Variants in AUTS2 observed in about 807,000 individuals in gnomAD.
AUTS2 encodes the protein activator of transcription and developmental regulator AUTS2.
AUTS2 carries 17 observed loss-of-function variants against 112.4 expected under a neutral mutation model. That is an observed-to-expected ratio of 0.15 (90% CI 0.10 to 0.23). AUTS2 has a LOEUF of 0.23. Among genes scored for constraint, AUTS2 ranks in the 10% least tolerant of loss-of-function variants. The pLI is 1.00. For synonymous variants in AUTS2, 751 were observed against 702.7 expected (o/e 1.07, Z -1.09); for missense variants, 1,510 against 1,701.6 (o/e 0.89, Z 1.98).
intron 5 of AUTS2, among the ~76,000 whole-genome samples, chr7:70,539,402 T>C (rs1272640900): frequency 1.3e-5 from 2 of 152,178 alleles, no homozygotes; most frequent in Admixed American, 6.5e-5. Flanking sequence ...AGCCCTTCTT[T>C]GAAAAGCCCT....
At chr7:70,557,458 A>G (rs1163877180) in intron 5 of AUTS2, among the ~76,000 whole-genome samples, 1 of 152,210 alleles carries the variant, frequency 6.6e-6, no homozygotes, top group South Asian at 2.1e-4. Flanking sequence ...CTGGCGGCAT[A>G]GTCAGGCTTG....
At chr7:70,322,241 TG>T in intron 4 of AUTS2, among the ~76,000 whole-genome samples, 1 of 152,316 alleles carries the variant, frequency 6.6e-6, no homozygotes, top group East Asian at 1.9e-4. Flanking sequence ...TATATTTATG[TG>T]GGTGAAGCTT....
rs577782546 is a variant in AUTS2, at chr7:69,830,667, A to G, written c.310-68619A>G. Among the ~76,000 whole-genome samples, 13 of 152,328 alleles carry G rather than the reference A, an allele frequency of 8.5e-5. No homozygotes were observed. The South Asian group carries it at 2.5e-3, about 29-fold the overall frequency. ...TTATTTGTTTAAATGAGTGTCCCAG[A>G]TAGCTTGCAATGGAGCATATTTATT... On this transcript the variant is annotated intron_variant, in intron 1 of 18. Coordinates refer to ENST00000342771, the MANE Select transcript of AUTS2 (RefSeq NM_015570.4).
At chr7:70,659,137 G>C (rs1806931156) in intron 5 of AUTS2, among the ~76,000 whole-genome samples, 1 of 152,164 alleles carries the variant, frequency 6.6e-6, no homozygotes, top group African/African-American at 2.4e-5. Context: ...GTTCTCAGGG[G>C]GGACAAGGAG....
At chr7:69,698,277 G>A (rs944155361) in intron 1 of AUTS2, among the ~76,000 whole-genome samples, 2 of 152,094 alleles carry the variant, frequency 1.3e-5, no homozygotes, top group African/African-American at 4.8e-5. Flanking sequence ...AGACAGGAAC[G>A]AAGGATGTGG....
At chr7:70,360,191 G>A (rs552283670) in intron 4 of AUTS2, among the ~76,000 whole-genome samples, 2 of 152,136 alleles carry the variant, frequency 1.3e-5, no homozygotes, top group South Asian at 4.1e-4. Flanking sequence ...GCAGTGGTGC[G>A]ATCATAGCTC....
At chr7:69,701,994 A>G (rs1485158752) in intron 1 of AUTS2, among the ~76,000 whole-genome samples, 1 of 152,216 alleles carries the variant, frequency 6.6e-6, no homozygotes, top group Admixed American at 6.5e-5. Flanking sequence ...CTAGGTTCAG[A>G]TCACATACTT....
intron 5 of AUTS2, among the ~76,000 whole-genome samples, chr7:70,678,699 G>C (rs1808053879): frequency 6.6e-6 from 1 of 152,186 alleles, no homozygotes; most frequent in East Asian, 1.9e-4. Context: ...CCGTGCTAAA[G>C]CAAGTAAGTG....
chr7:69,636,050 G>C lies in AUTS2; in HGVS notation c.309+36088G>C, dbSNP rs76179249. Among the ~76,000 whole-genome samples, 5 of 152,286 alleles carry C rather than the reference G, an allele frequency of 3.3e-5. No individual in the cohort carries two copies. The East Asian group carries it at 9.6e-4, about 29-fold the overall frequency. ...TGCATTCATCTTTGGCAGAACACAA[G>C]GGCTCTCCCTTGGTATGGACAGCCC... On this transcript the variant is annotated intron_variant, in intron 1 of 18. Transcript: ENST00000342771.
intron 4 of AUTS2, among the ~76,000 whole-genome samples, chr7:70,192,881 G>A (rs1809977348): frequency 6.6e-6 from 1 of 152,140 alleles, no homozygotes; most frequent in Non-Finnish European, 1.5e-5. Flanking sequence ...ATGATAAAGG[G>A]AGCCTCCTTG....
At chr7:70,088,035 CTT>C (rs759374728) in intron 2 of AUTS2, among the ~76,000 whole-genome samples, 3 of 137,800 alleles carry the variant, frequency 2.2e-5, no homozygotes, top group Non-Finnish European at 1.6e-5. Context: ...CAATTCATGT[CTT>C]TTTTTTTTTT....
intron 4 of AUTS2, among the ~76,000 whole-genome samples, chr7:70,242,715 A>G (rs1584922692): frequency 6.6e-6 from 1 of 152,112 alleles, no homozygotes; most frequent in Non-Finnish European, 1.5e-5. Flanking sequence ...CTGCCCTCAA[A>G]TAGTCCACTG....
intron 1 of AUTS2, among the ~76,000 whole-genome samples, chr7:69,602,020 G>A (rs3071646): frequency 0.3 from 20,191 of 67,260 alleles, 2,313 homozygotes; most frequent in African/African-American, 0.44. Flanking sequence ...ATGTGTGTGT[G>A]TATATATATA....
At chr7:70,079,240 G>A (rs1017061288) in intron 2 of AUTS2, among the ~76,000 whole-genome samples, 7 of 152,166 alleles carry the variant, frequency 4.6e-5, no homozygotes, top group African/African-American at 1.4e-4. Flanking sequence ...ACTTTGCTCT[G>A]CTGGAACTGG....
At position 70,766,496 on chromosome 7, in the gene AUTS2, A is replaced by G; in HGVS notation, c.1689+162A>G. 1.1e-6 allele frequency: 1 copy of G among 920,572 alleles called. No individual in the cohort carries two copies. The highest frequency in any genetic ancestry group is 1.7e-6 in the Non-Finnish European group (1 of 605,548). The allele number at this position is 920,572 out of a possible 1,614,324, so 57.0% of individuals were successfully genotyped here. ...TGTGTCCTAGTGCCCTGCCTCAGGC[A>G]GCTCTGACTTCAGGGGCCTAAAGTA... On this transcript the variant is annotated intron_variant, in intron 9 of 18. Coordinates refer to ENST00000342771, the MANE Select transcript of AUTS2 (RefSeq NM_015570.4). This position sits in a 1 kb window ranked among gnomAD's most constrained non-coding sequence, Gnocchi z 4.8.
chr7:70,275,408 G>C (rs1376999834), intron 4 of AUTS2, among the ~76,000 whole-genome samples: 2 of 152,124 alleles, frequency 1.3e-5, no homozygotes, highest in Non-Finnish European at 2.9e-5. Flanking sequence ...AGTGGGATAG[G>C]GAGTTACCCA....
intron 4 of AUTS2, among the ~76,000 whole-genome samples, chr7:70,174,748 G>A (rs867963540): frequency 5.3e-5 from 8 of 152,076 alleles, no homozygotes; most frequent in Middle Eastern, 3.2e-3. Flanking sequence ...ATCTGTTTAC[G>A]ACATGGTTTA....
intron 4 of AUTS2, among the ~76,000 whole-genome samples, chr7:70,190,737 T>G (rs751904284): frequency 6.6e-6 from 1 of 152,060 alleles, no homozygotes; most frequent in Non-Finnish European, 1.5e-5. Flanking sequence ...CAACGTAGAC[T>G]TTTTTTTATG....
chr7:70,708,608 A>G (rs1809867958), intron 6 of AUTS2, among the ~76,000 whole-genome samples: 1 of 152,060 alleles, frequency 6.6e-6, no homozygotes, highest in East Asian at 1.9e-4. Flanking sequence ...AAATAGCCTT[A>G]AGACTTTCTT....
Sources: allele counts gnomAD v4.1 joint callset (sites outside exome capture counted in the v4.1 genomes callset), GRCh38; gene constraint gnomAD v4.1.1; non-coding constraint Gnocchi (gnomAD v3.1); transcripts MANE v1.5; gene names NCBI Gene and HGNC (gene_info 2026-07-23, HGNC 2026-07-21).